The following DCDC1 variants were observed in gnomAD, a reference collection of about 807,000 sequenced individuals.
DCDC1 encodes the protein doublecortin domain containing 1.
A neutral mutation model predicts 178.3 loss-of-function variants in DCDC1; 200 were observed. The observed-to-expected ratio is 1.12, with a 90% CI of 1.00 to 1.26. DCDC1 has a LOEUF of 1.26. Ranked by LOEUF, DCDC1 falls within the 50% of genes most tolerant of loss-of-function variation. The probability of loss-of-function intolerance (pLI) is 0.00; values close to 1 mark genes in which losing one functional copy is unlikely to be tolerated. For synonymous variants in DCDC1, 690 were observed against 604.8 expected (o/e 1.14, Z -2.07); for missense variants, 1,983 against 1,749.2 (o/e 1.13, Z -2.38).
chr11:30,899,475 A>G, intron 34 of DCDC1, 66 bp downstream of exon 34: 2 of 1,039,512 alleles, frequency 1.9e-6, no homozygotes, highest in Non-Finnish European at 1.3e-6. Context: ...GTAGAAAATA[A>G]CCATTAGCAA....
chr11:31,213,103 CTCTCTCTCTCTCT>C (rs1972868254), intron 9 of DCDC1, among the ~76,000 whole-genome samples: 1 of 15,576 alleles, frequency 6.4e-5, no homozygotes, highest in East Asian at 5.3e-3. Context: ...AGCCCAGCCT[CTCTCTCTCTCTCT>C]CTCTCTCTCT....
At chr11:30,923,350 A>G (rs1207116036) in intron 23 of DCDC1, among the ~76,000 whole-genome samples, 1 of 150,436 alleles carries the variant, frequency 6.6e-6, no homozygotes, top group Non-Finnish European at 1.5e-5. Flanking sequence ...CAAAATGTCA[A>G]TGTGGCTATT....
intron 20 of DCDC1, among the ~76,000 whole-genome samples, chr11:31,005,586 A>C (rs1951791968): frequency 6.6e-6 from 1 of 152,166 alleles, no homozygotes; most frequent in African/African-American, 2.4e-5. Context: ...AAAGTATAAA[A>C]TAACAAGACT....
intron 7 of DCDC1, among the ~76,000 whole-genome samples, chr11:31,273,545 T>C (rs1428838900): frequency 6.6e-6 from 1 of 152,216 alleles, no homozygotes; most frequent in East Asian, 1.9e-4. Context: ...TCATTGTCCA[T>C]ATCAGTATCA....
chr11:31,303,722 G>A (rs1591702143), intron 6 of DCDC1, among the ~76,000 whole-genome samples: 1 of 152,004 alleles, frequency 6.6e-6, no homozygotes, highest in Non-Finnish European at 1.5e-5. Context: ...TAGATGAATG[G>A]CTTTTCCCCA....
At chr11:31,270,946 T>C (rs1445361621) in intron 7 of DCDC1, among the ~76,000 whole-genome samples, 1 of 152,162 alleles carries the variant, frequency 6.6e-6, no homozygotes, top group Non-Finnish European at 1.5e-5. Context: ...CAACTGAACA[T>C]ATCAACATTA....
chr11:31,185,562 G>A (rs937493511), intron 9 of DCDC1, among the ~76,000 whole-genome samples: 1 of 152,052 alleles, frequency 6.6e-6, no homozygotes, highest in African/African-American at 2.4e-5. Flanking sequence ...CCAAAACTCT[G>A]CTCAGCAACC....
intron 7 of DCDC1, among the ~76,000 whole-genome samples, chr11:31,275,914 T>A (rs1180001126): frequency 6.6e-6 from 1 of 152,250 alleles, no homozygotes; most frequent in African/African-American, 2.4e-5. Flanking sequence ...GAAAGGCTAA[T>A]CATTCATAGA....
At position 30,976,400 on chromosome 11, in the gene DCDC1, G is replaced by T. The variant is rs543380621; in HGVS notation, c.2592-23832C>A. 1.3e-3 allele frequency among the ~76,000 whole-genome samples: 196 copies of T among 152,108 alleles called. 2 individuals are homozygous for T. The highest frequency in any genetic ancestry group is 4.0e-3 in the African/African-American group (165 of 41,542). On this transcript the variant is annotated intron_variant, in intron 20 of 38. Coordinates refer to ENST00000684477, the MANE Select transcript of DCDC1 (RefSeq NM_001387274.1). ...AATCAACAAAGTAAAAAGAGTATCT[G>T]TTGAATGGGAGAAAATATTTGCAAA...
chr11:31,230,447 C>T (rs796751554), intron 9 of DCDC1, among the ~76,000 whole-genome samples: 35 of 152,188 alleles, frequency 2.3e-4, no homozygotes, highest in African/African-American at 8.2e-4. Context: ...GTGGTTCACG[C>T]AGGCCAAGAG....
intron 20 of DCDC1, among the ~76,000 whole-genome samples, chr11:30,956,690 T>C (rs1044237880): frequency 3.9e-5 from 6 of 152,146 alleles, no homozygotes; most frequent in African/African-American, 1.4e-4. Context: ...AAAATTACAT[T>C]AGTGGGTAGG....
intron 9 of DCDC1, among the ~76,000 whole-genome samples, chr11:31,168,072 T>C (rs1966854102): frequency 6.6e-6 from 1 of 152,216 alleles, no homozygotes; most frequent in Admixed American, 6.5e-5. Flanking sequence ...ACTCATCTTT[T>C]GAGTTTGAAG....
intron 30 of DCDC1, chr11:30,906,280 C>T (rs1945052999): frequency 2.8e-6 from 1 of 362,866 alleles, no homozygotes; most frequent in Admixed American, 4.1e-5. Context: ...ACACTGAGAA[C>T]AGTGAAATAT....
intron 9 of DCDC1, among the ~76,000 whole-genome samples, chr11:31,145,551 T>C (rs1298650316): frequency 6.6e-6 from 1 of 152,218 alleles, no homozygotes; most frequent in Admixed American, 6.5e-5. Flanking sequence ...AGTTCTCAAG[T>C]TCTTTGATTC....
intron 7 of DCDC1, among the ~76,000 whole-genome samples, chr11:31,288,044 G>GA (rs940844755): frequency 1.3e-5 from 2 of 151,356 alleles, no homozygotes; most frequent in African/African-American, 4.8e-5. Context: ...TAACTACTGG[G>GA]AAAAAATTAA....
At chr11:31,156,523 A>G (rs1158242107) in intron 9 of DCDC1, among the ~76,000 whole-genome samples, 3 of 152,148 alleles carry the variant, frequency 2.0e-5, no homozygotes, top group Non-Finnish European at 4.4e-5. Flanking sequence ...TATTTTAGTA[A>G]TGTATTTTCT....
chr11:30,982,904 A>G (rs549413908), intron 20 of DCDC1, among the ~76,000 whole-genome samples: 12 of 152,090 alleles, frequency 7.9e-5, no homozygotes, highest in Non-Finnish European at 1.6e-4. Context: ...AAATTTTATC[A>G]ATTTACATTT....
intron 11 of DCDC1, among the ~76,000 whole-genome samples, chr11:31,112,368 AAG>A (rs1239731598): frequency 1.3e-5 from 2 of 152,180 alleles, no homozygotes; most frequent in African/African-American, 4.8e-5. Context: ...TAGCTTTCTA[AAG>A]AGAGAGTTTC....
At position 31,166,559 on chromosome 11, in the gene DCDC1, T is replaced by C. The variant is rs139038355; in HGVS notation, c.1222-28775A>G. The stretch of plus-strand genomic sequence containing the variant: ...GCTTGAAACAGCCTCGCTATAGGAG[T>C]TGGAGAGAAAAGATGCTGATCTAAG... On this transcript the variant is annotated intron_variant, in intron 9 of 38. Transcript: ENST00000684477. Among the ~76,000 whole-genome samples the C allele has an allele frequency of 3.1e-3, 465 of 151,694 alleles. 5 individuals are homozygous for C. The highest frequency in any genetic ancestry group is 0.011 in the African/African-American group (443 of 41,368).
Sources: allele counts gnomAD v4.1 joint callset (sites outside exome capture counted in the v4.1 genomes callset), GRCh38; gene constraint gnomAD v4.1.1; transcripts MANE v1.5; gene names NCBI Gene and HGNC (gene_info 2026-07-23, HGNC 2026-07-21).